Variants in TUT1 observed in about 807,000 individuals in gnomAD.
TUT1 encodes speckle targeted PIP5K1A-regulated poly(A) polymerase.
In TUT1, 26 loss-of-function variants were observed where a neutral mutation model predicts 48.8. The observed-to-expected ratio is 0.53, with a 90% confidence interval of 0.39 to 0.74. The LOEUF is 0.74. Ranked by LOEUF, TUT1 falls within the 30% of genes least tolerant of loss-of-function variation. The pLI, the probability that TUT1 is intolerant of heterozygous loss-of-function variation, is 0.00. For synonymous variants in TUT1, 470 were observed against 460.8 expected, an observed-to-expected ratio of 1.02 and a Z score of -0.26; for missense variants, 1,065 against 1,114.8, an observed-to-expected ratio of 0.96 and a Z score of 0.64.
Position 62,581,210 on chromosome 11 carries a change from G to T in TUT1, c.590-4C>A, listed in dbSNP as rs754509662. 16 of 1,613,718 alleles carry T rather than the reference G, an allele frequency of 9.9e-6. No individual in the cohort carries two copies. The South Asian group carries it at 1.8e-4, about 18-fold the overall frequency. On this transcript the variant is annotated splice_region_variant and splice_polypyrimidine_tract_variant and intron_variant, in intron 3 of 8. Transcript: ENST00000476907. The stretch of plus-strand genomic sequence containing the variant: ...CCAAAAGGGTGGACCACACAGCCTG[G>T]GTGCCGAGCAGAGAAGAAAGGTCAA...
At chr11:62,576,500 C>T in intron 8 of TUT1, 157 bp downstream of exon 8, 2 of 823,094 alleles carry the variant, frequency 2.4e-6, no homozygotes, top group Non-Finnish European at 3.8e-6. Context: ...TAATTGCTCC[C>T]AAACATGGTT....
chr11:62,588,775 A>G (rs1941959033), intron 2 of TUT1, among the ~76,000 whole-genome samples: 1 of 152,072 alleles, frequency 6.6e-6, no homozygotes, highest in African/African-American at 2.4e-5. Context: ...GCTTGCTGCA[A>G]CCTCCACCTC....
Position 62,578,779 on chromosome 11 carries a change from G to C in TUT1, c.942C>G (p.Asp314Glu), listed in dbSNP as rs539438978. 4.1e-5 allele frequency: 66 copies of C among 1,614,092 alleles called. No individual in the cohort carries two copies. The South Asian group carries it at 6.9e-4, about 17-fold the overall frequency. ...SLPPASPLLE[D>E]REEGDLGKAS... ...CCTTCCCCAGGTCCCCCTCTTCCCT[G>C]TCCTCTAGCAGTGGTGAAGCTGGAG... Residue 314 changes from aspartate (D) to glutamate (E), a missense_variant, in exon 5 of 9, where the codon GAC becomes GAG. Coordinates refer to ENST00000476907, the MANE Select transcript of TUT1 (RefSeq NM_022830.3).
chr11:62,589,449 G>A (rs1260065921), intron 1 of TUT1, among the ~76,000 whole-genome samples: 4 of 151,072 alleles, frequency 2.6e-5, no homozygotes, highest in East Asian at 1.9e-4. Flanking sequence ...TGTCGCCCCC[G>A]CTGGAGTTCA....
intron 2 of TUT1, among the ~76,000 whole-genome samples, chr11:62,587,040 ACTT>A (rs781681184): frequency 2.2e-5 from 3 of 136,300 alleles, no homozygotes; most frequent in East Asian, 2.2e-4. Flanking sequence ...TCCTCAGTAA[ACTT>A]CTACTTATAT....
Position 62,577,030 on chromosome 11 carries a change from G to C in TUT1, c.1271-13C>G. 2 of 1,612,184 alleles carry C rather than the reference G, an allele frequency of 1.2e-6. No homozygotes were observed. The highest frequency in any genetic ancestry group is 1.7e-6 in the Non-Finnish European group (2 of 1,178,358). ...AGGGGGCCACTCCCTGGGTAAATAA[G>C]CAATAATTCCGGTTAGATCAGAGGT... On this transcript the variant is annotated splice_polypyrimidine_tract_variant and intron_variant, in intron 6 of 8. Transcript: ENST00000476907.
chr11:62,581,989 T>TA (rs1565267677), intron 2 of TUT1, among the ~76,000 whole-genome samples: 2 of 144,618 alleles, frequency 1.4e-5, no homozygotes, highest in East Asian at 4.0e-4. Context: ...CTACAAACAA[T>TA]TTTTTTTTTT....
At chr11:62,587,833 C>T (rs1941945736) in intron 2 of TUT1, among the ~76,000 whole-genome samples, 1 of 152,180 alleles carries the variant, frequency 6.6e-6, no homozygotes, top group Non-Finnish European at 1.5e-5. Context: ...CACAGCACCT[C>T]AACAGTGAAC....
intron 2 of TUT1, among the ~76,000 whole-genome samples, chr11:62,582,190 C>T (rs985866828): frequency 2.0e-5 from 3 of 151,956 alleles, no homozygotes; most frequent in African/African-American, 7.3e-5. Context: ...ACCATGTTGG[C>T]CAGGCTGGTC....
Position 62,575,343 on chromosome 11 carries a change from T to G in TUT1, c.2376A>C (p.Gly792=), listed in dbSNP as rs562813679. The G allele has an allele frequency of 4.3e-6, 7 of 1,613,998 alleles. No individual in the cohort carries two copies. The South Asian group carries it at 7.7e-5, about 18-fold the overall frequency. The part of the protein sequence containing the change: ...RRRLQQQTKE[G]AGGGAGTRAG... The stretch of plus-strand genomic sequence containing the variant: ...CTCTTGTGCCAGCGCCACCTCCAGC[T>G]CCCTCCTTGGTTTGCTGCTGCAAGC... Residue 792 remains glycine, a synonymous_variant, in exon 9 of 9, where the codon GGA becomes GGC. Coordinates refer to ENST00000476907, the MANE Select transcript of TUT1 (RefSeq NM_022830.3).
At chr11:62,580,106 T>C (rs1488018869) in intron 4 of TUT1, among the ~76,000 whole-genome samples, 2 of 151,968 alleles carry the variant, frequency 1.3e-5, no homozygotes, top group Admixed American at 1.3e-4. Flanking sequence ...GAGACCCTAT[T>C]TCTAAGTAAT....
rs770406935 is a variant in TUT1 at position 62,589,011 on chromosome 11, C to T, written c.273+20G>A. ...GCCCAGCACTGATTCATTCTTTAAC[C>T]CGAGAGCCATTCACTTTACCTTGTC... On this transcript the variant is annotated intron_variant, in intron 2 of 8. Transcript: ENST00000476907. 1 of 1,606,960 alleles carries T rather than the reference C, an allele frequency of 6.2e-7. No individual in the cohort carries two copies. Among genetic ancestry groups the T allele is most frequent in the East Asian group, 2.2e-5 (1 of 44,684 alleles).
chr11:62,580,367 C>T (rs963996694), intron 4 of TUT1, among the ~76,000 whole-genome samples: 2 of 150,524 alleles, frequency 1.3e-5, no homozygotes, highest in Non-Finnish European at 3.0e-5. Flanking sequence ...GGCTGAGGCA[C>T]GAGAATCACT....
At chr11:62,582,059 T>C (rs1338883273) in intron 2 of TUT1, among the ~76,000 whole-genome samples, 5 of 151,978 alleles carry the variant, frequency 3.3e-5, no homozygotes, top group Admixed American at 6.5e-5. Context: ...CTCGGCTTAC[T>C]GCAACCTCTG....
chr11:62,583,481 T>A (rs1029004070), intron 2 of TUT1, among the ~76,000 whole-genome samples: 4 of 152,024 alleles, frequency 2.6e-5, no homozygotes, highest in Non-Finnish European at 5.9e-5. Flanking sequence ...TGGTGGTGCA[T>A]GCCTGTAATC....
rs76363414 is a variant in TUT1, at chr11:62,582,504, G to A, written c.274-803C>T. The A allele has an allele frequency of 2.8e-3, 1,188 of 426,844 alleles. 10 individuals are homozygous for A. The East Asian group carries it at 0.04, about 14-fold the overall frequency. The allele number at this position is 426,844 out of a possible 1,614,324, so 26.4% of individuals were successfully genotyped here. Reference sequence around the variant, plus strand: ...CCAATTACTTGGGAGGCTATGATAAGAGCATCACTTGGGCCCAGGATGTTG... The same window carrying A: ...CCAATTACTTGGGAGGCTATGATAAAAGCATCACTTGGGCCCAGGATGTTG... On this transcript the variant is annotated intron_variant, in intron 2 of 8. Transcript: ENST00000476907.
intron 8 of TUT1, chr11:62,576,455 T>C: frequency 1.3e-6 from 1 of 786,732 alleles, no homozygotes; most frequent in Non-Finnish European, 2.0e-6. Flanking sequence ...ATGCTGCTGC[T>C]CCTTGCTAGC....
In TUT1 at chr11:62,577,186, C is replaced by T. The variant is rs1270648750; in HGVS notation, c.1266G>A (p.Leu422=). 1 of 1,608,044 alleles carries T rather than the reference C, an allele frequency of 6.2e-7. No homozygotes were observed. Among genetic ancestry groups the T allele is most frequent in the Non-Finnish European group, 8.5e-7 (1 of 1,178,030 alleles). Reference sequence around the variant, plus strand: ...TCTGTCCTGATCCATTCTCACCTGACAGCCCCCGACCCTGAGCCCAGCAGC... The same window carrying T: ...TCTGTCCTGATCCATTCTCACCTGATAGCCCCCGACCCTGAGCCCAGCAGC... ...TLRCWAQGRG[L]SGSGPLLSNY... The change falls in exon 6 of 9, where the codon CTG becomes CTA. Residue 422 remains leucine, a synonymous_variant. Transcript: ENST00000476907.
In TUT1 at chr11:62,576,233, C is replaced by T; in HGVS notation, c.1486G>A (p.Ala496Thr). ...INVEPLSSLL[A>T]QFFSCVSCWD... is the part of the protein sequence containing the mutation. ...CAAGATACACAGGAGAAGAACTGGG[C>T]TAGCAGGGAACCTGGAGGAGGAGGA... Residue 496 changes from alanine to threonine, a missense_variant, in exon 9 of 9, where the codon GCC becomes ACC. Ala to Thr is a moderately conservative substitution (Grantham distance 58, BLOSUM62 0). Transcript: ENST00000476907. 1 of 1,582,462 alleles carries T rather than the reference C, an allele frequency of 6.3e-7. No homozygotes were observed. Among genetic ancestry groups the T allele is most frequent in the Non-Finnish European group, 8.6e-7 (1 of 1,163,998 alleles).
Sources: allele counts gnomAD v4.1 joint callset (sites outside exome capture counted in the v4.1 genomes callset), GRCh38; gene constraint gnomAD v4.1.1; transcripts MANE v1.5; gene names NCBI Gene and HGNC (gene_info 2026-07-23, HGNC 2026-07-21).